SUGCT: variants seen among roughly 807,000 people sequenced by gnomAD.
SUGCT encodes succinyl-CoA:glutarate CoA-transferase.
A neutral mutation model predicts 55.0 loss-of-function variants in SUGCT; 41 were observed. That is an observed-to-expected ratio of 0.74 (90% confidence interval 0.58 to 0.97). The LOEUF is 0.97. SUGCT is among the 50% of genes least tolerant of loss of function. SUGCT has a pLI of 0.00. For missense variants in SUGCT, 568 were observed against 547.8 expected (o/e 1.04, Z -0.37); for synonymous variants, 187 against 200.4 (o/e 0.93, Z 0.56).
At chr7:40,270,943 C>T in intron 7 of SUGCT, among the ~76,000 whole-genome samples, 1 of 151,754 alleles carries the variant, frequency 6.6e-6, no homozygotes, top group East Asian at 1.9e-4. Flanking sequence ...GTATTTTATT[C>T]TTTTTTATCC....
chr7:40,706,818 G>A (rs1186438568), intron 12 of SUGCT, among the ~76,000 whole-genome samples: 2 of 152,206 alleles, frequency 1.3e-5, no homozygotes, highest in Non-Finnish European at 1.5e-5. Context: ...ATAGCTTTGT[G>A]TGCTGGCTTT....
chr7:40,622,487 C>G (rs1799308175), intron 12 of SUGCT, among the ~76,000 whole-genome samples: 1 of 145,966 alleles, frequency 6.9e-6, no homozygotes, highest in Admixed American at 6.8e-5. Flanking sequence ...CTACTTTTTT[C>G]ATTGATCTCA....
rs77239919 is a variant in SUGCT at position 40,602,270 on chromosome 7, C to T, written c.1089+105884C>T. 1.6e-3 allele frequency among the ~76,000 whole-genome samples: 247 copies of T among 152,198 alleles called. 3 individuals are homozygous for T. In the East Asian group the frequency reaches 0.043, roughly 26 times the overall value. ...ATGCTGTGCTTTGCCATGGTTACCA[C>T]GGGACTGAATGAAGGGGGATGAACC... On this transcript the variant is annotated intron_variant, in intron 12 of 13. Coordinates refer to ENST00000335693, the MANE Select transcript of SUGCT (RefSeq NM_001193313.2).
At chr7:40,845,993 A>T (rs1437374183) in intron 13 of SUGCT, among the ~76,000 whole-genome samples, 1 of 152,212 alleles carries the variant, frequency 6.6e-6, no homozygotes, top group East Asian at 1.9e-4. Context: ...AGCACCTACT[A>T]TAGCTCTGTT....
At chr7:40,666,419 GTT>G (rs70990637) in intron 12 of SUGCT, among the ~76,000 whole-genome samples, 3 of 72,236 alleles carry the variant, frequency 4.2e-5, no homozygotes, top group African/African-American at 1.4e-4. Flanking sequence ...TTATAGGTTA[GTT>G]TTTTTTTTTT....
rs112438811 is a variant in SUGCT at position 40,855,506 on chromosome 7, AT to A, written c.1154-4800del. 3.4e-4 allele frequency among the ~76,000 whole-genome samples: 51 copies of A among 147,846 alleles called. 1 individual carries two copies. Among genetic ancestry groups the A allele is most frequent in the East Asian group, 2.0e-3 (10 of 5,056 alleles). On this transcript the variant is annotated intron_variant, in intron 13 of 13. Transcript: ENST00000335693. Reference sequence around the variant, plus strand: ...AAGTGCTAAATCTTGTTTAAATTGCATTTTTTTTTTGCATAGCATTCTGTTC... The same window carrying A: ...AAGTGCTAAATCTTGTTTAAATTGCATTTTTTTTTGCATAGCATTCTGTTC...
At chr7:40,636,464 G>A (rs1800026561) in intron 12 of SUGCT, among the ~76,000 whole-genome samples, 1 of 152,156 alleles carries the variant, frequency 6.6e-6, no homozygotes, top group Admixed American at 6.6e-5. Context: ...CATTAGGAAT[G>A]TGTCACTAAG....
the SUGCT span, among the ~76,000 whole-genome samples, chr7:40,988,232 G>A: frequency 6.8e-6 from 1 of 146,338 alleles, no homozygotes; most frequent in African/African-American, 2.6e-5. Context: ...AAGCAAAGAG[G>A]CAACTAGATG....
chr7:40,261,037 T>G (rs1025521844), intron 7 of SUGCT, among the ~76,000 whole-genome samples: 4 of 152,150 alleles, frequency 2.6e-5, no homozygotes, highest in Non-Finnish European at 5.9e-5. Context: ...CATAATGCTT[T>G]GAAAAAGTTG....
chr7:41,017,363 A>T, the SUGCT span, among the ~76,000 whole-genome samples: 1 of 152,258 alleles, frequency 6.6e-6, no homozygotes, highest in Non-Finnish European at 1.5e-5. Flanking sequence ...ACAAGGCCAC[A>T]TGGCAGACCC....
chr7:40,653,858 C>T (rs2151842935), intron 12 of SUGCT, among the ~76,000 whole-genome samples: 1 of 152,244 alleles, frequency 6.6e-6, no homozygotes, highest in East Asian at 1.9e-4. Context: ...AATTTAGTTT[C>T]TGTGGAAATG....
chr7:40,643,474 G>A (rs1800358031), intron 12 of SUGCT, among the ~76,000 whole-genome samples: 1 of 152,132 alleles, frequency 6.6e-6, no homozygotes. Flanking sequence ...GGAGGAGAGG[G>A]GAGTCCTCTT....
intron 9 of SUGCT, among the ~76,000 whole-genome samples, chr7:40,415,127 G>A (rs1023241290): frequency 5.8e-5 from 8 of 138,048 alleles, no homozygotes; most frequent in African/African-American, 1.1e-4. Context: ...TAAAATTAGC[G>A]GGGCGTGGTG....
At chr7:40,348,681 A>G (rs1345607617) in intron 9 of SUGCT, among the ~76,000 whole-genome samples, 2 of 152,162 alleles carry the variant, frequency 1.3e-5, no homozygotes, top group Admixed American at 1.3e-4. Flanking sequence ...ATTATGCCTC[A>G]TCAATGTTAT....
intron 9 of SUGCT, among the ~76,000 whole-genome samples, chr7:40,415,630 A>G (rs1333025429): frequency 6.6e-6 from 1 of 151,790 alleles, no homozygotes; most frequent in Non-Finnish European, 1.5e-5. Context: ...ATTTTATTCT[A>G]TTTTTACTTA....
At chr7:40,363,408 G>A (rs968521824) in intron 9 of SUGCT, among the ~76,000 whole-genome samples, 1 of 152,056 alleles carries the variant, frequency 6.6e-6, no homozygotes, top group African/African-American at 2.4e-5. Flanking sequence ...TGATGTTACG[G>A]TGTCAATTTT....
At chr7:40,835,832 A>G (rs1440578542) in intron 13 of SUGCT, among the ~76,000 whole-genome samples, 1 of 152,066 alleles carries the variant, frequency 6.6e-6, no homozygotes, top group Non-Finnish European at 1.5e-5. Flanking sequence ...TGGTTAGGAA[A>G]ATATTTAGTA....
intron 8 of SUGCT, among the ~76,000 whole-genome samples, chr7:40,312,050 GT>G (rs35487000): frequency 1.8e-4 from 26 of 145,006 alleles, no homozygotes; most frequent in African/African-American, 2.3e-4. Context: ...CCTCACATAA[GT>G]TTTTTTTTTT....
chr7:40,554,419 G>C (rs1203361052), intron 12 of SUGCT, among the ~76,000 whole-genome samples: 2 of 152,192 alleles, frequency 1.3e-5, no homozygotes, highest in Non-Finnish European at 2.9e-5. Flanking sequence ...GTGATTGCAT[G>C]CATTTGTCTT....
Sources: allele counts gnomAD v4.1 joint callset (sites outside exome capture counted in the v4.1 genomes callset), GRCh38; gene constraint gnomAD v4.1.1; transcripts MANE v1.5; gene names NCBI Gene and HGNC (gene_info 2026-07-23, HGNC 2026-07-21).